The following PDE2A variants were observed in gnomAD, a reference collection of about 807,000 sequenced individuals.
The protein encoded by PDE2A is cGMP-dependent 3',5'-cyclic phosphodiesterase.
Under a neutral mutation model 133.6 loss-of-function variants are expected in PDE2A, and 53 were observed. The ratio of observed to expected loss-of-function variants is 0.40; its 90% CI spans 0.32 to 0.50. The LOEUF (loss-of-function observed/expected upper bound fraction) is 0.50. Among genes scored for constraint, PDE2A ranks in the 20% least tolerant of loss-of-function variants. PDE2A has a pLI of 0.73. For missense variants in PDE2A, 796 were observed against 1,232.4 expected (o/e 0.65, Z 5.30); for synonymous variants, 491 against 490.2 (o/e 1.00, Z -0.02).
At chr11:72,670,445 T>C (rs1855359316) in intron 1 of PDE2A, among the ~76,000 whole-genome samples, 1 of 152,142 alleles carries the variant, frequency 6.6e-6, no homozygotes, top group Non-Finnish European at 1.5e-5. Context: ...TGACAGTGCC[T>C]CTGCCTCCAA....
Position 72,590,056 on chromosome 11 carries a change from CG to C in PDE2A, c.757-76del. ...CCCACTCCCCACCTGCTCCCCTCTC[CG>C]GGGCTCTTCAGGCGGGTGGAGGAGA... On this transcript the variant is annotated intron_variant, in intron 9 of 30. Transcript: ENST00000334456. The surrounding 1 kb of genome is among the most constrained non-coding windows in gnomAD (Gnocchi z 4.8). 7.0e-7 allele frequency: 1 copy of C among 1,430,198 alleles called. No individual in the cohort carries two copies. Among genetic ancestry groups the C allele is most frequent in the African/African-American group, 1.4e-5 (1 of 70,908 alleles). 88.6% of individuals were successfully genotyped at this position (1,430,198 alleles called of 1,614,324 possible).
intron 1 of PDE2A, among the ~76,000 whole-genome samples, chr11:72,673,420 T>C (rs341059): frequency 0.6 from 90,694 of 149,918 alleles, 27,428 homozygotes; most frequent in Middle Eastern, 0.72. Flanking sequence ...CACACACACA[T>C]ACCCTGCCTA....
At chr11:72,585,619 A>AG in intron 14 of PDE2A, 26 bp from the exon 15 acceptor site, 1 of 1,611,058 alleles carries the variant, frequency 6.2e-7, no homozygotes, top group African/African-American at 1.3e-5. Context: ...TGGAGATCAT[A>AG]GGGGGGTCGG....
At chr11:72,627,603 G>A (rs562924542) in intron 2 of PDE2A, among the ~76,000 whole-genome samples, 1 of 152,298 alleles carries the variant, frequency 6.6e-6, no homozygotes, top group Non-Finnish European at 1.5e-5. Context: ...GGGACACAAG[G>A]GGACATGAGG....
chr11:72,631,210 A>G, intron 2 of PDE2A: 10 of 1,278,938 alleles, frequency 7.8e-6, no homozygotes, highest in Non-Finnish European at 1.1e-6. Flanking sequence ...CTGTCCTCCC[A>G]TTAGCCCCCA....
chr11:72,602,362 A>G (rs1856791803), intron 4 of PDE2A, among the ~76,000 whole-genome samples: 2 of 151,990 alleles, frequency 1.3e-5, no homozygotes, highest in African/African-American at 4.8e-5. Flanking sequence ...TTCCCTGCCC[A>G]TTGCCTCGGG....
intron 2 of PDE2A, among the ~76,000 whole-genome samples, chr11:72,631,525 T>TCACA (rs1174822897): frequency 1.3e-5 from 2 of 152,142 alleles, no homozygotes; most frequent in Non-Finnish European, 2.9e-5. Context: ...AATGTCCACC[T>TCACA]CACACAGTCA....
chr11:72,653,570 T>G (rs1009892917), intron 1 of PDE2A, among the ~76,000 whole-genome samples: 1 of 151,920 alleles, frequency 6.6e-6, no homozygotes, highest in Non-Finnish European at 1.5e-5. Context: ...GAGATAAGCC[T>G]GAGGCAGGAG....
rs1333147647 is a variant in PDE2A, at chr11:72,581,888, C to T, written c.1911G>A (p.Pro637=). 3 of 1,613,720 alleles carry T rather than the reference C, an allele frequency of 1.9e-6. No individual in the cohort carries two copies. Among genetic ancestry groups the T allele is most frequent in the South Asian group, 1.1e-5 (1 of 91,064 alleles). Residue 637 remains proline, a synonymous_variant, in exon 22 of 31, where the codon CCG becomes CCA. Coordinates refer to ENST00000334456, the MANE Select transcript of PDE2A (RefSeq NM_002599.5). ...GTGGGCGCACGAACCGGGCCAGGGT[C>T]GGGCAGTCAATTTTGTAGTTGTTGA... is the stretch of plus-strand genomic sequence containing the variant. ...NFINNYKIDC[P]TLARFCLMVK... is the part of the protein sequence containing the mutation.
intron 2 of PDE2A, among the ~76,000 whole-genome samples, chr11:72,632,353 G>C (rs80223015): frequency 6.6e-6 from 1 of 152,138 alleles, no homozygotes; most frequent in South Asian, 2.1e-4. Flanking sequence ...TCTTAGCTGC[G>C]CCTGCAGCTG....
chr11:72,592,556 G>A (rs1856299208), intron 6 of PDE2A, among the ~76,000 whole-genome samples: 1 of 152,202 alleles, frequency 6.6e-6, no homozygotes, highest in Non-Finnish European at 1.5e-5. Context: ...TCCTGAATTG[G>A]CATGGGGAGG....
In PDE2A at chr11:72,587,553, A is replaced by G. The variant is rs558266644; in HGVS notation, c.1070+1231T>C. 3.1e-4 allele frequency among the ~76,000 whole-genome samples: 47 copies of G among 152,228 alleles called. 1 individual carries two copies. The highest frequency in any genetic ancestry group is 1.1e-3 in the African/African-American group (45 of 41,546). On this transcript the variant is annotated intron_variant, in intron 13 of 30. Transcript: ENST00000334456. The stretch of plus-strand genomic sequence containing the variant: ...AGCTCTGGGGCCATCCTAGAACCCA[A>G]TCTCACAGCCAGCAGCAAGAAGTCA...
intron 2 of PDE2A, among the ~76,000 whole-genome samples, chr11:72,638,289 C>G (rs528616958): frequency 6.0e-4 from 91 of 152,300 alleles, no homozygotes; most frequent in Non-Finnish European, 4.1e-4. Flanking sequence ...TCCCCTCATC[C>G]GATGGACCCC....
rs116443271 is a variant in PDE2A, at chr11:72,670,047, C to G, written c.71+4090G>C. Among the ~76,000 whole-genome samples, 5 of 152,294 alleles carry G rather than the reference C, an allele frequency of 3.3e-5. No individual in the cohort carries two copies. The South Asian group carries it at 1.0e-3, about 32-fold the overall frequency. ...CTCCACCACGGCCCAGGGCTTCCCC[C>G]CAGCCTGGCACTTCATGCCTAGGCC... On this transcript the variant is annotated intron_variant, in intron 1 of 30. Transcript: ENST00000334456.
intron 25 of PDE2A, 110 bp from the exon 26 acceptor site, chr11:72,579,718 G>T (rs74625945): frequency 2.7e-6 from 2 of 732,140 alleles, no homozygotes; most frequent in Admixed American, 2.6e-5. Flanking sequence ...CAGGTCAGCA[G>T]AGCAGTCAGA....
At chr11:72,640,017 C>A (rs1388807807) in intron 2 of PDE2A, among the ~76,000 whole-genome samples, 1 of 152,062 alleles carries the variant, frequency 6.6e-6, no homozygotes, top group Non-Finnish European at 1.5e-5. Flanking sequence ...TCCTCAACAC[C>A]CCCAACACAC....
chr11:72,596,723 G>T (rs1168677615), intron 5 of PDE2A, 75 bp from the exon 6 acceptor site: 4 of 950,506 alleles, frequency 4.2e-6, no homozygotes, highest in Non-Finnish European at 5.9e-6. Flanking sequence ...GACCCAGGTG[G>T]GGGAGACAAA....
At position 72,674,176 on chromosome 11, in the gene PDE2A, C is replaced by T; in HGVS notation, c.32G>A (p.Cys11Tyr). The T allele has an allele frequency of 1.2e-6, 2 of 1,612,538 alleles. No homozygotes were observed. The highest frequency in any genetic ancestry group is 1.7e-6 in the Non-Finnish European group (2 of 1,179,910). The change falls in exon 1 of 31, where the codon TGC becomes TAC. Residue 11 changes from cysteine (C) to tyrosine (Y), a missense_variant. Cys to Tyr is a radical substitution (Grantham distance 194). This residue lies in a region of PDE2A where 417 missense variants were observed against 475.3 expected (regional missense o/e 0.88). Transcript: ENST00000334456. ...CGCTGCCGGGTACTGCTGGCTCCTG[C>T]AGAGGATGGAGTGGCCGCATGCCTG... MGQACGHSIL[C>Y]RSQQYPAARP...
chr11:72,635,972 C>T, intron 2 of PDE2A: 4 of 1,215,246 alleles, frequency 3.3e-6, no homozygotes, highest in Non-Finnish European at 4.3e-6. Flanking sequence ...GATCTCAGCC[C>T]CTCTTACCCT....
Sources: gnomAD v4.1 joint callset for allele counts (sites outside exome capture counted in the v4.1 genomes callset) on GRCh38, gnomAD v4.1.1 for gene constraint, gnomAD v4.1.1 regional missense constraint, Gnocchi (gnomAD v3.1) non-coding constraint, MANE v1.5 for transcripts, NCBI Gene and HGNC (gene_info 2026-07-23, HGNC 2026-07-21) for gene names.